The following SLC9C1 variants were observed in gnomAD, a reference collection of about 807,000 sequenced individuals.
SLC9C1 encodes the protein solute carrier family 9 member C1.
SLC9C1 carries 97 observed loss-of-function variants against 140.9 expected under a neutral mutation model. That is an observed-to-expected ratio of 0.69 (90% CI 0.58 to 0.82). The LOEUF (loss-of-function observed/expected upper bound fraction) is 0.82. Among genes scored for constraint, SLC9C1 ranks in the 40% least tolerant of loss-of-function variants. The pLI, the probability that SLC9C1 is intolerant of heterozygous loss-of-function variation, is 0.00. For missense variants in SLC9C1, 1,340 were observed against 1,389.3 expected, an observed-to-expected ratio of 0.96 and a Z score of 0.56; for synonymous variants, 440 against 442.6, an observed-to-expected ratio of 0.99 and a Z score of 0.07.
chr3:112,215,709 T>C (rs994862716), intron 15 of SLC9C1, among the ~76,000 whole-genome samples: 3 of 152,064 alleles, frequency 2.0e-5, no homozygotes, highest in Non-Finnish European at 4.4e-5. Flanking sequence ...TAAATGAGGA[T>C]ACAAACAAAT....
At chr3:112,214,392 A>G (rs146643953) in intron 15 of SLC9C1, among the ~76,000 whole-genome samples, 1 of 152,294 alleles carries the variant, frequency 6.6e-6, no homozygotes, top group East Asian at 1.9e-4. Flanking sequence ...GACACGAAAA[A>G]CCGTTCAAAA....
At chr3:112,196,094 A>T (rs2077761978) in intron 20 of SLC9C1, among the ~76,000 whole-genome samples, 1 of 152,024 alleles carries the variant, frequency 6.6e-6, no homozygotes, top group Admixed American at 6.6e-5. Context: ...GAGGTAACAA[A>T]CTCCCTAAAC....
At chr3:112,189,516 G>A (rs2077607802) in intron 20 of SLC9C1, among the ~76,000 whole-genome samples, 1 of 152,084 alleles carries the variant, frequency 6.6e-6, no homozygotes, top group African/African-American at 2.4e-5. Flanking sequence ...TTTTTCTCAG[G>A]TTTGTCAAAG....
chr3:112,286,067 CAGTT>C (rs1364001747), intron 2 of SLC9C1, among the ~76,000 whole-genome samples: 2 of 152,160 alleles, frequency 1.3e-5, no homozygotes, highest in African/African-American at 4.8e-5. Context: ...CCTGGCCTAA[CAGTT>C]AGTTTTCATA....
rs1379073136 is a variant in SLC9C1, at chr3:112,202,397, G to A, written c.2175C>T (p.Leu725=). ...TTATTTGCAGCAACTTTGGTGCTAT[G>A]AGCTGAATTAAACAGGACTTCCATT... is the stretch of plus-strand genomic sequence containing the variant. The part of the protein sequence containing the change: ...QFFRILRIFK[L]IAPKLLQIID... The change falls in exon 18 of 29, where the codon CTC becomes CTT. Residue 725 remains leucine (L), a splice_region_variant and synonymous_variant. Coordinates refer to ENST00000305815, the MANE Select transcript of SLC9C1 (RefSeq NM_183061.3). 4.4e-6 allele frequency: 7 copies of A among 1,592,444 alleles called. No homozygotes were observed. The South Asian group carries it at 4.6e-5, about 11-fold the overall frequency.
intron 28 of SLC9C1, among the ~76,000 whole-genome samples, chr3:112,147,014 T>A (rs1053843786): frequency 1.3e-5 from 2 of 152,212 alleles, no homozygotes; most frequent in Non-Finnish European, 2.9e-5. Flanking sequence ...GATGATTAAG[T>A]CTTCTTTTTA....
rs138474325 is a variant in SLC9C1 at position 112,247,299 on chromosome 3, G to GA, written c.1198-3224dup. Among the ~76,000 whole-genome samples the GA allele has an allele frequency of 1.4e-3, 211 of 152,072 alleles. 1 individual carries two copies. The highest frequency in any genetic ancestry group is 4.6e-3 in the African/African-American group (191 of 41,494). ...CAACATCTATTTTATATCTAGGGTGGAAAGCCCTCTTAGATTTGAGGCTTT... is the reference window on the plus strand; with the variant it reads ...CAACATCTATTTTATATCTAGGGTGGAAAAGCCCTCTTAGATTTGAGGCTTT... On this transcript the variant is annotated intron_variant, in intron 10 of 28. Transcript: ENST00000305815.
chr3:112,240,128 T>G, intron 11 of SLC9C1, 122 bp from the exon 12 acceptor site: 1 of 895,834 alleles, frequency 1.1e-6, no homozygotes, highest in South Asian at 2.0e-5. Context: ...CAACATAAAC[T>G]GTTTAATAAT....
At chr3:112,177,060 G>A (rs1873712) in intron 23 of SLC9C1, among the ~76,000 whole-genome samples, 29,622 of 146,224 alleles carry the variant, frequency 0.2, 3,296 homozygotes, top group Middle Eastern at 0.28. Context: ...AGGCTGGAGT[G>A]CAGTGGTGCG....
intron 12 of SLC9C1, among the ~76,000 whole-genome samples, chr3:112,238,348 A>T (rs1024859773): frequency 2.0e-5 from 3 of 152,170 alleles, no homozygotes; most frequent in Admixed American, 6.5e-5. Context: ...TATTCTAGTT[A>T]GCCATTCGTC....
chr3:112,211,287 A>T (rs9841885), intron 15 of SLC9C1, among the ~76,000 whole-genome samples: 45 of 152,018 alleles, frequency 3.0e-4, no homozygotes, highest in Non-Finnish European at 4.9e-4. Context: ...TGAGTGACAC[A>T]GAAGACAGGT....
At chr3:112,291,508 A>T (rs1559760833) in intron 1 of SLC9C1, among the ~76,000 whole-genome samples, 1 of 151,626 alleles carries the variant, frequency 6.6e-6, no homozygotes, top group African/African-American at 2.4e-5. Flanking sequence ...CAAGCATATG[A>T]AAAAAAAAGC....
chr3:112,185,339 TAA>T, intron 20 of SLC9C1: 5 of 542,674 alleles, frequency 9.2e-6, no homozygotes, highest in South Asian at 2.4e-5. Flanking sequence ...AAAAGTCGTG[TAA>T]AAAAAAAATA....
chr3:112,238,928 T>G (rs2079066713), intron 12 of SLC9C1, among the ~76,000 whole-genome samples: 1 of 152,250 alleles, frequency 6.6e-6, no homozygotes, highest in South Asian at 2.1e-4. Flanking sequence ...GGAGGCAGTC[T>G]GTCTGTTCTC....
chr3:112,274,859 T>C, intron 6 of SLC9C1, 38 bp downstream of exon 6: 1 of 1,454,972 alleles, frequency 6.9e-7, no homozygotes, highest in East Asian at 2.4e-5. Flanking sequence ...AAATACAGGA[T>C]TCTGATGTTG....
intron 25 of SLC9C1, among the ~76,000 whole-genome samples, chr3:112,167,791 A>T (rs1013700927): frequency 6.6e-6 from 1 of 152,180 alleles, no homozygotes; most frequent in Non-Finnish European, 1.5e-5. Context: ...ATCCACAATG[A>T]GTAGGGCTCT....
intron 13 of SLC9C1, among the ~76,000 whole-genome samples, chr3:112,221,926 T>C (rs1209223904): frequency 6.6e-6 from 1 of 152,178 alleles, no homozygotes; most frequent in Non-Finnish European, 1.5e-5. Context: ...AAATATATTA[T>C]GTGACCAAAG....
chr3:112,189,121 G>A (rs1187987348), intron 20 of SLC9C1, among the ~76,000 whole-genome samples: 2 of 152,130 alleles, frequency 1.3e-5, no homozygotes, highest in Non-Finnish European at 2.9e-5. Context: ...TGTAGATTCT[G>A]GATATTAGCC....
intron 26 of SLC9C1, among the ~76,000 whole-genome samples, chr3:112,162,584 C>T (rs919468683): frequency 2.6e-5 from 4 of 152,082 alleles, no homozygotes; most frequent in Admixed American, 2.6e-4. Context: ...TATTGATTTG[C>T]GTATATTGAA....
Sources: allele counts gnomAD v4.1 joint callset (sites outside exome capture counted in the v4.1 genomes callset), GRCh38; gene constraint gnomAD v4.1.1; transcripts MANE v1.5; gene names NCBI Gene and HGNC (gene_info 2026-07-23, HGNC 2026-07-21).